PMPCB: variants seen among roughly 807,000 people sequenced by gnomAD.
The protein encoded by PMPCB is mitochondrial-processing peptidase subunit beta.
In PMPCB, 46 loss-of-function variants were observed where a neutral mutation model predicts 61.5. The observed-to-expected ratio is 0.75, with a 90% CI of 0.59 to 0.96. The LOEUF is 0.96. Ranked by LOEUF, PMPCB falls within the 40% of genes least tolerant of loss-of-function variation. PMPCB has a pLI of 0.00. For synonymous variants in PMPCB, 191 were observed against 201.6 expected, an observed-to-expected ratio of 0.95 and a Z score of 0.44; for missense variants, 590 against 602.4, an observed-to-expected ratio of 0.98 and a Z score of 0.22.
chr7:103,327,698 T>G, intron 12 of PMPCB: 1 of 1,613,598 alleles, frequency 6.2e-7, no homozygotes, highest in Non-Finnish European at 8.5e-7. Flanking sequence ...CCTTCTTTTA[T>G]TGGTTCACCA....
At chr7:103,302,907 G>C (rs1817486326) in intron 4 of PMPCB, among the ~76,000 whole-genome samples, 1 of 151,976 alleles carries the variant, frequency 6.6e-6, no homozygotes, top group Non-Finnish European at 1.5e-5. Flanking sequence ...AAGATTGTAA[G>C]TTTATTTTAT....
intron 12 of PMPCB, among the ~76,000 whole-genome samples, chr7:103,325,573 G>A (rs1818662818): frequency 1.3e-5 from 2 of 152,104 alleles, no homozygotes; most frequent in African/African-American, 2.4e-5. Flanking sequence ...TCACCTGGGA[G>A]CCTTAAAAAT....
chr7:103,321,904 T>G, intron 12 of PMPCB: 1 of 1,583,728 alleles, frequency 6.3e-7, no homozygotes, highest in African/African-American at 1.4e-5. Flanking sequence ...GATTTACTTG[T>G]GCCTAGTGTT....
intron 12 of PMPCB, chr7:103,322,714 C>A: frequency 6.2e-7 from 1 of 1,612,348 alleles, no homozygotes; most frequent in Non-Finnish European, 8.5e-7. Flanking sequence ...AACTAATGTT[C>A]TTATTCTGTT....
intron 6 of PMPCB, among the ~76,000 whole-genome samples, chr7:103,306,021 T>A (rs562575002): frequency 1.6e-4 from 25 of 152,310 alleles, no homozygotes; most frequent in Middle Eastern, 3.4e-3. Flanking sequence ...GCTTATAGAT[T>A]AATTAGTATT....
chr7:103,315,781 G>A (rs1415513066), downstream of PMPCB: 3 of 1,613,516 alleles, frequency 1.9e-6, no homozygotes, highest in South Asian at 3.3e-5. Flanking sequence ...TCGTTCTGAA[G>A]GCGTTGCGTT....
chr7:103,307,459 G>A, intron 6 of PMPCB, 137 bp from the exon 7 acceptor site: 1 of 580,700 alleles, frequency 1.7e-6, no homozygotes, highest in African/African-American at 1.9e-5. Flanking sequence ...GGTGTGCTAT[G>A]TGAGCTTACT....
At chr7:103,327,778 T>G in intron 12 of PMPCB, 1 of 1,540,400 alleles carries the variant, frequency 6.5e-7, no homozygotes. Flanking sequence ...CAGATTGAGA[T>G]AATTTGTCAC....
chr7:103,302,952 A>T (rs1817487334), intron 4 of PMPCB, among the ~76,000 whole-genome samples: 1 of 152,146 alleles, frequency 6.6e-6, no homozygotes, highest in Non-Finnish European at 1.5e-5. Flanking sequence ...TAGATTTATG[A>T]TTGCAACTAT....
At chr7:103,320,792 CTGTGT>C (rs1554566739) in intron 12 of PMPCB, 1 of 161,992 alleles carries the variant, frequency 6.2e-6, no homozygotes, top group Non-Finnish European at 1.2e-5. Context: ...TATTCTGAAA[CTGTGT>C]CTATATTCAT....
At chr7:103,315,917 C>G (rs1563455180), downstream of PMPCB, 2 of 1,536,874 alleles carry the variant, frequency 1.3e-6, no homozygotes, top group South Asian at 2.3e-5. Context: ...ATCATTTAAT[C>G]TTTCATTAAA....
intron 4 of PMPCB, among the ~76,000 whole-genome samples, chr7:103,302,866 C>T (rs1299911023): frequency 6.6e-6 from 1 of 151,864 alleles, no homozygotes; most frequent in Non-Finnish European, 1.5e-5. Context: ...CATAATGAGA[C>T]CTTGTCTCTT....
chr7:103,322,686 A>C (rs534223131), intron 12 of PMPCB: 1 of 1,612,722 alleles, frequency 6.2e-7, no homozygotes, highest in African/African-American at 1.3e-5. Flanking sequence ...TAGGGGACTT[A>C]AATCAATTCT....
intron 12 of PMPCB, among the ~76,000 whole-genome samples, chr7:103,323,177 G>A (rs1818514481): frequency 2.0e-5 from 3 of 152,088 alleles, no homozygotes; most frequent in Admixed American, 2.0e-4. Flanking sequence ...TGATCTGCCC[G>A]CCTCAGCCTC....
chr7:103,312,629 C>T lies in PMPCB; in HGVS notation c.*358C>T. The T allele has an allele frequency of 1.2e-6, 2 of 1,613,322 alleles. No homozygotes were observed. The highest frequency in any genetic ancestry group is 1.7e-6 in the Non-Finnish European group (2 of 1,179,766). Reference sequence around the variant, plus strand: ...CTTGAGCAGCTTTCTTTGCTTTTACCATCTCGACAAGTTCCTAGGAAGGGA... The same window carrying T: ...CTTGAGCAGCTTTCTTTGCTTTTACTATCTCGACAAGTTCCTAGGAAGGGA... On this transcript the variant is annotated 3_prime_UTR_variant, in exon 13 of 13. Transcript: ENST00000249269.
downstream of PMPCB, among the ~76,000 whole-genome samples, chr7:103,318,889 A>T (rs879305034): frequency 6.6e-6 from 1 of 152,206 alleles, no homozygotes; most frequent in Non-Finnish European, 1.5e-5. Context: ...TAAACATCTA[A>T]TCCAACTTAA....
chr7:103,299,855 G>T (rs1323256231), intron 3 of PMPCB, among the ~76,000 whole-genome samples: 1 of 151,964 alleles, frequency 6.6e-6, no homozygotes, highest in Non-Finnish European at 1.5e-5. Flanking sequence ...TGCAACCTCC[G>T]CCTCCTAGGC....
chr7:103,312,927 T>G lies in PMPCB; in HGVS notation c.*656T>G, dbSNP rs750260585. 1 of 1,597,806 alleles carries G rather than the reference T, an allele frequency of 6.3e-7. No individual in the cohort carries two copies. Among genetic ancestry groups the G allele is most frequent in the Non-Finnish European group, 8.5e-7 (1 of 1,175,814 alleles). On this transcript the variant is annotated 3_prime_UTR_variant, in exon 13 of 13. Transcript: ENST00000249269. Reference sequence around the variant, plus strand: ...CTACAATTTAAAATACAACAATCTATAAACGCTTAAGTCTGCAACCTTGTA... The same window carrying G: ...CTACAATTTAAAATACAACAATCTAGAAACGCTTAAGTCTGCAACCTTGTA...
the PMPCB span, chr7:103,345,156 A>C: frequency 5.8e-6 from 1 of 172,514 alleles, no homozygotes; most frequent in Non-Finnish European, 1.2e-5. Context: ...TTTGTGATAC[A>C]TTTGTGTTTA....
Sources: gnomAD v4.1 joint callset for allele counts (sites outside exome capture counted in the v4.1 genomes callset) on GRCh38, gnomAD v4.1.1 for gene constraint, MANE v1.5 for transcripts, NCBI Gene and HGNC (gene_info 2026-07-23, HGNC 2026-07-21) for gene names.